GPBP1L1: variants seen among roughly 807,000 people sequenced by gnomAD.
The protein encoded by GPBP1L1 is GC-rich promoter binding protein 1 like 1.
A neutral mutation model predicts 52.5 loss-of-function variants in GPBP1L1; 23 were observed. The ratio of observed to expected loss-of-function variants is 0.44; its 90% CI spans 0.32 to 0.62. The LOEUF is 0.62. Among genes scored for constraint, GPBP1L1 ranks in the 20% least tolerant of loss-of-function variants. GPBP1L1 has a pLI of 0.06. For missense variants in GPBP1L1, 596 were observed against 579.3 expected, an observed-to-expected ratio of 1.03 and a Z score of -0.30; for synonymous variants, 243 against 203.1, an observed-to-expected ratio of 1.20 and a Z score of -1.67.
chr1:45,685,247 C>A (rs1286197311), intron 2 of GPBP1L1, among the ~76,000 whole-genome samples: 2 of 152,136 alleles, frequency 1.3e-5, no homozygotes, highest in Admixed American at 1.3e-4. Flanking sequence ...TAGAAAAGAT[C>A]AGCAGTCTAC....
rs1352090454 is a variant in GPBP1L1 at position 45,660,873 on chromosome 1, T to C, written c.-745A>G. On this transcript the variant is annotated 5_prime_UTR_variant, in exon 3 of 13. Transcript: ENST00000355105. ...AAAATAGACAGGAATTTGCTACACT[T>C]TTCCCTCCACGAACAGCAGCTTTCA... is the stretch of plus-strand genomic sequence containing the variant. 1 of 152,248 alleles carries C rather than the reference T, an allele frequency of 6.6e-6. No homozygotes were observed. Among genetic ancestry groups the C allele is most frequent in the East Asian group, 1.9e-4 (1 of 5,206 alleles). The allele number at this position is 152,248 out of a possible 1,614,324, so 9.4% of individuals were successfully genotyped here.
Position 45,640,348 on chromosome 1 carries a change from G to A in GPBP1L1, c.606C>T (p.Ser202=). 6.2e-7 allele frequency: 1 copy of A among 1,614,174 alleles called. No homozygotes were observed. Among genetic ancestry groups the A allele is most frequent in the Non-Finnish European group, 8.5e-7 (1 of 1,180,020 alleles). ...PSKMLVIKKV[S]KEDPAAAFSA... ...AGAAGGCAGCAGCAGGATCCTCTTTGGAAACTTTTTTGATAACTAGCATCT... is the reference window on the plus strand; with the variant it reads ...AGAAGGCAGCAGCAGGATCCTCTTTAGAAACTTTTTTGATAACTAGCATCT... The change falls in exon 8 of 13, where the codon TCC becomes TCT. Residue 202 remains serine, a synonymous_variant. Transcript: ENST00000355105.
At position 45,629,456 on chromosome 1, in the gene GPBP1L1, C is replaced by CA. The variant is rs1557691716; in HGVS notation, c.1272+119_1272+120insT. ...CCACTACATTTCTACTAAGGTAATCCCCCCCCCCCCCACCCGATCTTTCTC... is the reference window on the plus strand; with the variant it reads ...CCACTACATTTCTACTAAGGTAATCCACCCCCCCCCCCACCCGATCTTTCTC... On this transcript the variant is annotated intron_variant, in intron 12 of 12. Transcript: ENST00000355105. 1.1e-4 allele frequency: 10 copies of CA among 88,144 alleles called. No individual in the cohort carries two copies. The South Asian group carries it at 1.6e-3, about 14-fold the overall frequency. The allele number at this position is 88,144 out of a possible 1,614,324, so 5.5% of individuals were successfully genotyped here.
intron 6 of GPBP1L1, among the ~76,000 whole-genome samples, chr1:45,647,011 T>A (rs915991493): frequency 3.3e-5 from 5 of 152,070 alleles, no homozygotes; most frequent in African/African-American, 7.2e-5. Flanking sequence ...ATTTAAAAAA[T>A]TTTCCTTCGC....
intron 6 of GPBP1L1, among the ~76,000 whole-genome samples, chr1:45,650,365 C>A (rs2148461318): frequency 6.6e-6 from 1 of 152,312 alleles, no homozygotes; most frequent in African/African-American, 2.4e-5. Context: ...AAAGCTCTCT[C>A]CCACACTTAG....
chr1:45,629,454 T>TCCCCCCCCCCCCCCCCC (rs374490837), intron 12 of GPBP1L1, 122 bp downstream of exon 12: 12 of 117,616 alleles, frequency 1.0e-4, no homozygotes, highest in Admixed American at 8.0e-4. Context: ...ACTAAGGTAA[T>TCCCCCCCCCCCCCCCCC]CCCCCCCCCC....
chr1:45,660,390 CAAAAGGGGAAAGGGG>C lies in GPBP1L1; in HGVS notation c.-277_-263del, dbSNP rs1644934492. On this transcript the variant is annotated 5_prime_UTR_variant, in exon 3 of 13. Coordinates refer to ENST00000355105, the MANE Select transcript of GPBP1L1 (RefSeq NM_021639.5). ...AACTATTTGGTTCCTGACACGTTTC[CAAAAGGGGAAAGGGG>C]AAAAGGGGAAGGGGGGAAGGGGAAC... 4.1e-6 allele frequency: 4 copies of C among 981,478 alleles called. No individual in the cohort carries two copies. The highest frequency in any genetic ancestry group is 1.8e-5 in the African/African-American group (1 of 56,172). The allele number at this position is 981,478 out of a possible 1,614,324, so 60.8% of individuals were successfully genotyped here. A position where few individuals can be genotyped will look rare whatever the true frequency, so the allele number is the denominator to read the frequency against.
chr1:45,660,176 A>G lies in GPBP1L1; in HGVS notation c.-56+8T>C. ...TCTTTCCAAGTTAGACATATGGAGA[A>G]TATTTACCCCAGAGTGTAACCTCTG... On this transcript the variant is annotated splice_region_variant and intron_variant, in intron 3 of 12. Transcript: ENST00000355105. 2 of 985,122 alleles carry G rather than the reference A, an allele frequency of 2.0e-6. No homozygotes were observed. The highest frequency in any genetic ancestry group is 2.4e-6 in the Non-Finnish European group (2 of 829,690). The allele number at this position is 985,122 out of a possible 1,614,324, so 61.0% of individuals were successfully genotyped here.
chr1:45,627,590 TATCA>T lies in GPBP1L1; in HGVS notation c.*662_*665del, dbSNP rs1644470957. On this transcript the variant is annotated 3_prime_UTR_variant, in exon 13 of 13. Transcript: ENST00000355105. ...CATCTTTTAAATCTGTAAATAATGT[TATCA>T]AAATAATCTTAATCTTTGAAATCTC... 1 of 152,596 alleles carries T rather than the reference TATCA, an allele frequency of 6.6e-6. No homozygotes were observed. The allele number at this position is 152,596 out of a possible 1,614,324, so 9.5% of individuals were successfully genotyped here.
intron 4 of GPBP1L1, among the ~76,000 whole-genome samples, chr1:45,657,743 C>T (rs1644901952): frequency 6.6e-6 from 1 of 152,152 alleles, no homozygotes; most frequent in Non-Finnish European, 1.5e-5. Flanking sequence ...GTACCAGCTA[C>T]TCTAGAGACT....
intron 2 of GPBP1L1, among the ~76,000 whole-genome samples, chr1:45,683,441 G>A (rs1247344352): frequency 2.0e-5 from 3 of 150,806 alleles, no homozygotes; most frequent in African/African-American, 4.9e-5. Flanking sequence ...TCCTGACCTC[G>A]TGATCCGCCC....
intron 2 of GPBP1L1, among the ~76,000 whole-genome samples, chr1:45,684,474 T>C (rs1645255000): frequency 6.6e-6 from 1 of 152,092 alleles, no homozygotes; most frequent in Non-Finnish European, 1.5e-5. Context: ...ACCAGATTTC[T>C]TATCATTCTA....
chr1:45,663,868 T>A (rs1468272083), intron 2 of GPBP1L1, among the ~76,000 whole-genome samples: 1 of 152,218 alleles, frequency 6.6e-6, no homozygotes, highest in Non-Finnish European at 1.5e-5. Flanking sequence ...GCTGTGGCTA[T>A]TTTTACAGAA....
At chr1:45,683,203 C>CG (rs1645232708) in intron 2 of GPBP1L1, among the ~76,000 whole-genome samples, 1 of 83,776 alleles carries the variant, frequency 1.2e-5, no homozygotes, top group Non-Finnish European at 2.2e-5. Context: ...GAATATAGGC[C>CG]TTTTTTTTTT....
chr1:45,660,482 T>C lies in GPBP1L1; in HGVS notation c.-354A>G. 1 of 979,336 alleles carries C rather than the reference T, an allele frequency of 1.0e-6. No homozygotes were observed. Among genetic ancestry groups the C allele is most frequent in the Non-Finnish European group, 1.2e-6 (1 of 824,468 alleles). The allele number at this position is 979,336 out of a possible 1,614,324, so 60.7% of individuals were successfully genotyped here. ...AGGGGGGGAAGGGGAAAGAGCTGTA[T>C]CTATGTTCACCTCATTCAACTTCCT... is the stretch of plus-strand genomic sequence containing the variant. On this transcript the variant is annotated 5_prime_UTR_variant, in exon 3 of 13. Coordinates refer to ENST00000355105, the MANE Select transcript of GPBP1L1 (RefSeq NM_021639.5).
At chr1:45,684,503 T>A (rs1041771918) in intron 2 of GPBP1L1, among the ~76,000 whole-genome samples, 2 of 152,122 alleles carry the variant, frequency 1.3e-5, no homozygotes, top group Non-Finnish European at 2.9e-5. Context: ...TGGTTGAATG[T>A]GTCCTCCTCA....
At chr1:45,644,622 T>C (rs1021411298) in intron 6 of GPBP1L1, among the ~76,000 whole-genome samples, 2 of 152,136 alleles carry the variant, frequency 1.3e-5, no homozygotes, top group Non-Finnish European at 2.9e-5. Context: ...AAAAACAATC[T>C]CAGCTTTTAA....
chr1:45,630,235 G>A (rs1215471363), intron 11 of GPBP1L1, among the ~76,000 whole-genome samples: 1 of 152,200 alleles, frequency 6.6e-6, no homozygotes, highest in East Asian at 1.9e-4. Flanking sequence ...ACAGGCATGA[G>A]CCACTGCGCC....
At chr1:45,679,621 C>A (rs1012524575) in intron 2 of GPBP1L1, among the ~76,000 whole-genome samples, 5 of 151,932 alleles carry the variant, frequency 3.3e-5, no homozygotes, top group African/African-American at 1.2e-4. Flanking sequence ...GGTAAACAGA[C>A]AAAAGAAACA....
Sources: gnomAD v4.1 joint callset for allele counts (sites outside exome capture counted in the v4.1 genomes callset) on GRCh38, gnomAD v4.1.1 for gene constraint, MANE v1.5 for transcripts, NCBI Gene and HGNC (gene_info 2026-07-23, HGNC 2026-07-21) for gene names.